The following DCDC1 variants were observed in gnomAD, a reference collection of about 807,000 sequenced individuals.
DCDC1 encodes the protein doublecortin domain-containing protein 1.
In DCDC1, 200 loss-of-function variants were observed where a neutral mutation model predicts 178.3. The ratio of observed to expected loss-of-function variants is 1.12; its 90% confidence interval spans 1.00 to 1.26. DCDC1 has a LOEUF of 1.26. Ranked by LOEUF, DCDC1 falls within the 50% of genes most tolerant of loss-of-function variation. The probability of loss-of-function intolerance (pLI) is 0.00; values close to 1 mark genes in which losing one functional copy is unlikely to be tolerated. For missense variants in DCDC1, 1,983 were observed against 1,749.2 expected (o/e 1.13, Z -2.38); for synonymous variants, 690 against 604.8 (o/e 1.14, Z -2.07).
rs1433439187 is a variant in DCDC1 at position 31,252,364 on chromosome 11, C to T, written c.1055-10748G>A. ...ATTCATATGTAAAGATCTGTTCTCACATCTAAATAACTAGCACTACAAATA... is the reference window on the plus strand; with the variant it reads ...ATTCATATGTAAAGATCTGTTCTCATATCTAAATAACTAGCACTACAAATA... On this transcript the variant is annotated intron_variant, in intron 8 of 38. Transcript: ENST00000684477. Among the ~76,000 whole-genome samples, 7 of 152,260 alleles carry T rather than the reference C, an allele frequency of 4.6e-5. No individual in the cohort carries two copies. In the South Asian group the frequency reaches 1.0e-3, roughly 23 times the overall value.
chr11:31,087,678 A>C (rs1022877249), intron 17 of DCDC1, among the ~76,000 whole-genome samples: 1 of 152,122 alleles, frequency 6.6e-6, no homozygotes, highest in African/African-American at 2.4e-5. Context: ...CTCCATTATC[A>C]TCAGAGAACA....
chr11:31,328,522 G>C (rs1949768547), intron 2 of DCDC1, among the ~76,000 whole-genome samples: 1 of 152,086 alleles, frequency 6.6e-6, no homozygotes, highest in South Asian at 2.1e-4. Flanking sequence ...AAATGGGCCG[G>C]GTTCAGTGGC....
intron 11 of DCDC1, among the ~76,000 whole-genome samples, chr11:31,112,385 A>G (rs907376020): frequency 6.6e-6 from 1 of 152,174 alleles, no homozygotes; most frequent in Non-Finnish European, 1.5e-5. Flanking sequence ...AGTTTCTATG[A>G]TTGACTTAGA....
At chr11:31,356,974 C>A (rs1234277727) in intron 1 of DCDC1, among the ~76,000 whole-genome samples, 1 of 151,974 alleles carries the variant, frequency 6.6e-6, no homozygotes, top group Non-Finnish European at 1.5e-5. Flanking sequence ...GAGTGCAGGA[C>A]CAGATGGATT....
At position 30,894,296 on chromosome 11, in the gene DCDC1, T is replaced by G; in HGVS notation, c.4854A>C (p.Glu1618Asp). The G allele has an allele frequency of 6.2e-7, 1 of 1,613,942 alleles. No individual in the cohort carries two copies. The highest frequency in any genetic ancestry group is 8.5e-7 in the Non-Finnish European group (1 of 1,179,824). ...QPVVVEGGWT[E>D]QTQQEIKLME... is the part of the protein sequence containing the mutation. ...TGAGTTTAATTTCCTGTTGAGTCTG[T>G]TCGGTCCAGCCTCCTTCAACCACCA... The change falls in exon 35 of 39, where the codon GAA becomes GAC. Residue 1618 changes from glutamate to aspartate, a missense_variant. Transcript: ENST00000684477.
chr11:31,347,901 GAGGTCATAAGT>G (rs1950892922), intron 1 of DCDC1, among the ~76,000 whole-genome samples: 1 of 152,170 alleles, frequency 6.6e-6, no homozygotes, highest in Admixed American at 6.5e-5. Flanking sequence ...GACCTTACTG[GAGGTCATAAGT>G]AGGTGGCATG....
chr11:31,166,335 C>A (rs1966789249), intron 9 of DCDC1, among the ~76,000 whole-genome samples: 2 of 152,076 alleles, frequency 1.3e-5, no homozygotes, highest in African/African-American at 4.8e-5. Flanking sequence ...ATGTGAGAAC[C>A]AGTTATTTCA....
chr11:31,311,277 G>A (rs1488301044), intron 3 of DCDC1, among the ~76,000 whole-genome samples: 1 of 152,136 alleles, frequency 6.6e-6, no homozygotes, highest in African/African-American at 2.4e-5. Flanking sequence ...CGGCCCAGCT[G>A]GAGATAGGAC....
chr11:31,301,405 T>C (rs1188678809), intron 6 of DCDC1, among the ~76,000 whole-genome samples: 1 of 152,162 alleles, frequency 6.6e-6, no homozygotes, highest in African/African-American at 2.4e-5. Flanking sequence ...AAAGCAGCCA[T>C]TGGTGTAGGC....
chr11:30,866,687 C>T (rs1238834760), intron 38 of DCDC1, among the ~76,000 whole-genome samples: 2 of 152,068 alleles, frequency 1.3e-5, no homozygotes, highest in African/African-American at 4.8e-5. Flanking sequence ...CTTGGACTTC[C>T]AGCCTTCAGA....
chr11:31,332,824 C>G (rs373138938), intron 2 of DCDC1, among the ~76,000 whole-genome samples: 1 of 152,232 alleles, frequency 6.6e-6, no homozygotes, highest in South Asian at 2.1e-4. Context: ...TTTGGAATAA[C>G]TCCAGTGTGG....
intron 36 of DCDC1, among the ~76,000 whole-genome samples, chr11:30,891,994 C>T (rs974576827): frequency 3.9e-5 from 6 of 152,122 alleles, no homozygotes; most frequent in African/African-American, 1.2e-4. Flanking sequence ...CTTGCCTTTC[C>T]ACACCCCCCA....
At chr11:31,210,561 A>T (rs988364499) in intron 9 of DCDC1, among the ~76,000 whole-genome samples, 1 of 151,988 alleles carries the variant, frequency 6.6e-6, no homozygotes, top group African/African-American at 2.4e-5. Context: ...AAATTCAAAA[A>T]TTAGCTGGGC....
Position 31,307,907 on chromosome 11 carries a change from C to G in DCDC1, c.166G>C (p.Glu56Gln). The G allele has an allele frequency of 6.2e-7, 1 of 1,613,836 alleles. No homozygotes were observed. The highest frequency in any genetic ancestry group is 8.5e-7 in the Non-Finnish European group (1 of 1,179,822). Residue 56 changes from glutamate to glutamine, a missense_variant and splice_region_variant, in exon 4 of 39, where the codon GAG becomes CAG. Coordinates refer to ENST00000684477, the MANE Select transcript of DCDC1 (RefSeq NM_001387274.1). ...GCTTTTGCCTGGGATGACATAAACT[C>G]TCTGGAAGAAACAATGCATGGAAGA... ...YKYILNDLPR[E>Q]FMSSQAKAVI...
chr11:31,048,353 G>T (rs1342226707), intron 20 of DCDC1, among the ~76,000 whole-genome samples: 1 of 152,140 alleles, frequency 6.6e-6, no homozygotes, highest in Non-Finnish European at 1.5e-5. Context: ...TTAGCAATGG[G>T]AGTTAAAGAT....
At chr11:31,349,818 T>C (rs140122618) in intron 1 of DCDC1, among the ~76,000 whole-genome samples, 4 of 152,170 alleles carry the variant, frequency 2.6e-5, no homozygotes, top group Non-Finnish European at 5.9e-5. Context: ...CTGGACAACA[T>C]AGCAAGACCC....
intron 30 of DCDC1, among the ~76,000 whole-genome samples, chr11:30,905,373 T>G (rs1337036977): frequency 6.6e-6 from 1 of 152,204 alleles, no homozygotes; most frequent in Non-Finnish European, 1.5e-5. Flanking sequence ...ACTGAGTCAC[T>G]AGGTGACTTT....
At chr11:31,119,513 T>C (rs1335203202) in intron 11 of DCDC1, among the ~76,000 whole-genome samples, 1 of 152,086 alleles carries the variant, frequency 6.6e-6, no homozygotes, top group African/African-American at 2.4e-5. Flanking sequence ...GAATGTACAA[T>C]GGAAATAACG....
chr11:31,113,013 C>A (rs1053660383), intron 11 of DCDC1, among the ~76,000 whole-genome samples: 4 of 152,114 alleles, frequency 2.6e-5, no homozygotes, highest in Non-Finnish European at 5.9e-5. Context: ...AATCATATAG[C>A]ATATTCAGGG....
Sources: gnomAD v4.1 joint callset for allele counts (sites outside exome capture counted in the v4.1 genomes callset) on GRCh38, gnomAD v4.1.1 for gene constraint, MANE v1.5 for transcripts, NCBI Gene and HGNC (gene_info 2026-07-23, HGNC 2026-07-21) for gene names.